The following BEST3 variants were observed in gnomAD, a reference collection of about 807,000 sequenced individuals.
BEST3 encodes the protein bestrophin-3.
In BEST3, 50 loss-of-function variants were observed where a neutral mutation model predicts 47.1. The ratio of observed to expected loss-of-function variants is 1.06; its 90% CI spans 0.85 to 1.34. The LOEUF is 1.34. Among genes scored for constraint, BEST3 ranks in the 40% most tolerant of loss-of-function variants. The pLI is 0.00. For synonymous variants in BEST3, 282 were observed against 298.8 expected (o/e 0.94, Z 0.58); for missense variants, 765 against 817.0 (o/e 0.94, Z 0.78).
downstream of BEST3, among the ~76,000 whole-genome samples, chr12:69,651,866 A>G (rs1314263191): frequency 1.3e-5 from 2 of 152,156 alleles, no homozygotes; most frequent in African/African-American, 4.8e-5. Context: ...ACCAAAAACA[A>G]GAGGAGTATT....
chr12:69,649,390 G>T (rs556312549), downstream of BEST3, among the ~76,000 whole-genome samples: 8 of 152,350 alleles, frequency 5.3e-5, no homozygotes, highest in South Asian at 1.7e-3. Flanking sequence ...AGCCATTCAA[G>T]GAATCTAAGC....
intron 4 of BEST3, among the ~76,000 whole-genome samples, chr12:69,686,735 A>C (rs934677079): frequency 6.8e-6 from 1 of 146,500 alleles, no homozygotes; most frequent in Admixed American, 7.2e-5. Flanking sequence ...TTTCAACACT[A>C]TACTCCAGCC....
At chr12:69,683,249 A>C (rs2136004676) in intron 4 of BEST3, 1 of 152,356 alleles carries the variant, frequency 6.6e-6, no homozygotes, top group East Asian at 1.9e-4. Flanking sequence ...TTTTGTTTTT[A>C]GCACAAATTT....
At chr12:69,696,684 C>T (rs1283934887) in intron 2 of BEST3, among the ~76,000 whole-genome samples, 1 of 152,166 alleles carries the variant, frequency 6.6e-6, no homozygotes, top group African/African-American at 2.4e-5. Flanking sequence ...TATCAGTCAA[C>T]TACATTAATA....
intron 4 of BEST3, among the ~76,000 whole-genome samples, chr12:69,692,639 G>A (rs1885965486): frequency 6.6e-6 from 1 of 152,168 alleles, no homozygotes; most frequent in South Asian, 2.1e-4. Context: ...TTCAGGGCAG[G>A]TTATAACCTT....
At chr12:69,671,361 T>A in intron 9 of BEST3, 67 bp downstream of exon 9, 1 of 1,260,192 alleles carries the variant, frequency 7.9e-7, no homozygotes, top group Admixed American at 2.5e-5. Context: ...TTTTTTTTTA[T>A]AGAGACAAGG....
chr12:69,677,735 T>A (rs1002270218), intron 5 of BEST3, among the ~76,000 whole-genome samples: 1 of 152,154 alleles, frequency 6.6e-6, no homozygotes, highest in Admixed American at 6.6e-5. Context: ...GAGCCATGAT[T>A]GTGCCACTAT....
chr12:69,683,455 T>C (rs2136005524), intron 4 of BEST3: 1 of 152,364 alleles, frequency 6.6e-6, no homozygotes, highest in Middle Eastern at 3.4e-3. Flanking sequence ...AGTTGGGAAC[T>C]GCTTACGGCA....
chr12:69,682,225 T>C (rs1273100272), intron 4 of BEST3, among the ~76,000 whole-genome samples: 1 of 152,168 alleles, frequency 6.6e-6, no homozygotes, highest in Non-Finnish European at 1.5e-5. Flanking sequence ...GTCTAGGCAG[T>C]TGCATATTTA....
chr12:69,669,082 T>C (rs1396995493), intron 9 of BEST3, among the ~76,000 whole-genome samples: 1 of 152,180 alleles, frequency 6.6e-6, no homozygotes, highest in African/African-American at 2.4e-5. Flanking sequence ...GATGTGAAAC[T>C]ATAAACCTCC....
At chr12:69,687,933 G>T (rs1885728418) in intron 4 of BEST3, among the ~76,000 whole-genome samples, 1 of 152,106 alleles carries the variant, frequency 6.6e-6, no homozygotes. Flanking sequence ...GCTTATAAGG[G>T]TAGTCCCAGT....
intron 9 of BEST3, among the ~76,000 whole-genome samples, chr12:69,662,892 G>T (rs958254159): frequency 6.6e-6 from 1 of 152,224 alleles, no homozygotes; most frequent in African/African-American, 2.4e-5. Context: ...TTTTAGATTA[G>T]CAAGACAGTT....
rs116520202 is a variant in BEST3 at position 69,664,554 on chromosome 12, T to C, written c.1100+6874A>G. On this transcript the variant is annotated intron_variant, in intron 9 of 9. Coordinates refer to ENST00000330891, the MANE Select transcript of BEST3 (RefSeq NM_032735.3). ...GCTCAGCCTGTCTTTTTTCCTTCCTTTTTCCAAACAAGGAGAGTTGTTAAT... is the reference window on the plus strand; with the variant it reads ...GCTCAGCCTGTCTTTTTTCCTTCCTCTTTCCAAACAAGGAGAGTTGTTAAT... 6.2e-3 allele frequency among the ~76,000 whole-genome samples: 937 copies of C among 152,226 alleles called. 11 individuals carry two copies. The highest frequency in any genetic ancestry group is 0.021 in the African/African-American group (888 of 41,522).
intron 2 of BEST3, among the ~76,000 whole-genome samples, chr12:69,696,751 A>G (rs1350874121): frequency 6.6e-6 from 1 of 152,182 alleles, no homozygotes; most frequent in Non-Finnish European, 1.5e-5. Flanking sequence ...GAGCAATGAA[A>G]CACAAATTTG....
chr12:69,673,166 G>A (rs1884690536), intron 7 of BEST3, among the ~76,000 whole-genome samples: 1 of 152,180 alleles, frequency 6.6e-6, no homozygotes, highest in Non-Finnish European at 1.5e-5. Context: ...ACCTTCGTAG[G>A]TATGCTCTCC....
intron 7 of BEST3, among the ~76,000 whole-genome samples, chr12:69,673,589 T>C (rs574872405): frequency 6.7e-4 from 102 of 152,166 alleles, no homozygotes; most frequent in Admixed American, 1.2e-3. Flanking sequence ...AGGCGAGCAC[T>C]ATCACATCCA....
intron 4 of BEST3, among the ~76,000 whole-genome samples, chr12:69,691,665 G>C (rs11836953): frequency 0.33 from 49,380 of 151,824 alleles, 8,774 homozygotes; most frequent in South Asian, 0.55. Flanking sequence ...GGTGGTGTGC[G>C]CCTGTAGTCC....
chr12:69,667,811 T>G (rs1202261716), intron 9 of BEST3, among the ~76,000 whole-genome samples: 1 of 152,172 alleles, frequency 6.6e-6, no homozygotes, highest in Non-Finnish European at 1.5e-5. Context: ...TGACTACCTC[T>G]AGCATCTGGC....
chr12:69,681,975 G>C (rs1415325839), intron 4 of BEST3, among the ~76,000 whole-genome samples: 2 of 151,572 alleles, frequency 1.3e-5, no homozygotes, highest in Non-Finnish European at 2.9e-5. Context: ...CAGCTGCTTG[G>C]GAGGCTGAGG....
Sources: gnomAD v4.1 joint callset for allele counts (sites outside exome capture counted in the v4.1 genomes callset) on GRCh38, gnomAD v4.1.1 for gene constraint, MANE v1.5 for transcripts, NCBI Gene and HGNC (gene_info 2026-07-23, HGNC 2026-07-21) for gene names.